TEX14: variants seen among roughly 807,000 people sequenced by gnomAD.
TEX14 encodes the protein testis expressed 14, intercellular bridge forming factor.
A neutral mutation model predicts 178.6 loss-of-function variants in TEX14; 168 were observed. That is an observed-to-expected ratio of 0.94 (90% CI 0.83 to 1.07). The LOEUF (loss-of-function observed/expected upper bound fraction) is 1.07. Ranked by LOEUF, TEX14 falls within the 50% of genes least tolerant of loss-of-function variation. The probability of loss-of-function intolerance (pLI) is 0.00; values close to 1 mark genes in which losing one functional copy is unlikely to be tolerated. For missense variants in TEX14, 1,730 were observed against 1,753.6 expected, an observed-to-expected ratio of 0.99 and a Z score of 0.24; for synonymous variants, 626 against 634.1, an observed-to-expected ratio of 0.99 and a Z score of 0.19.
chr17:58,685,097 G>C (rs951104370), intron 1 of TEX14, among the ~76,000 whole-genome samples: 3 of 152,094 alleles, frequency 2.0e-5, no homozygotes, highest in Admixed American at 6.6e-5. Context: ...TTATAATTTT[G>C]TATAGACCTT....
chr17:58,565,912 C>T (rs2044388347), intron 26 of TEX14, 88 bp from the exon 27 acceptor site: 1 of 1,019,678 alleles, frequency 9.8e-7, no homozygotes, highest in African/African-American at 1.6e-5. Flanking sequence ...AAGGGTGATC[C>T]TTAGACTTGC....
intron 31 of TEX14, among the ~76,000 whole-genome samples, 164 bp downstream of exon 31, chr17:58,557,630 TTTATA>T (rs1324163382): frequency 4.6e-5 from 7 of 152,190 alleles, no homozygotes; most frequent in African/African-American, 1.7e-4. Context: ...TTAATTTCAC[TTTATA>T]GTTTAATTAA....
intron 10 of TEX14, among the ~76,000 whole-genome samples, chr17:58,607,868 C>T (rs531034384): frequency 2.2e-4 from 34 of 152,326 alleles, no homozygotes; most frequent in African/African-American, 8.2e-4. Context: ...TGGCTCATGC[C>T]TGTAATCCCA....
intron 30 of TEX14, 97 bp downstream of exon 30, chr17:58,559,356 A>G (rs1038855349): frequency 9.5e-6 from 6 of 629,940 alleles, no homozygotes; most frequent in Non-Finnish European, 1.7e-5. Flanking sequence ...AGGTAGGAGG[A>G]TTATGTATAG....
At chr17:58,679,340 A>C (rs2047449908) in intron 1 of TEX14, among the ~76,000 whole-genome samples, 1 of 152,174 alleles carries the variant, frequency 6.6e-6, no homozygotes, top group African/African-American at 2.4e-5. Context: ...TTGTAATGGC[A>C]AATCACTGTA....
intron 1 of TEX14, among the ~76,000 whole-genome samples, chr17:58,685,210 G>C (rs1052853680): frequency 2.6e-5 from 4 of 151,956 alleles, no homozygotes; most frequent in African/African-American, 9.7e-5. Context: ...GAGGTGGGTG[G>C]ATCACCTGAG....
At chr17:58,590,882 T>A (rs566341041) in intron 15 of TEX14, among the ~76,000 whole-genome samples, 1 of 139,020 alleles carries the variant, frequency 7.2e-6, no homozygotes, top group Non-Finnish European at 1.6e-5. Context: ...GTTTACAGGG[T>A]TTTTTTTTTT....
chr17:58,586,260 T>C (rs1598359727), intron 17 of TEX14, among the ~76,000 whole-genome samples, 178 bp from the exon 18 acceptor site: 1 of 152,144 alleles, frequency 6.6e-6, no homozygotes, highest in African/African-American at 2.4e-5. Flanking sequence ...GGAGAATTGA[T>C]GACAGAGAGA....
At chr17:58,596,217 G>A (rs186772134) in intron 14 of TEX14, among the ~76,000 whole-genome samples, 1 of 152,180 alleles carries the variant, frequency 6.6e-6, no homozygotes, top group Admixed American at 6.5e-5. Context: ...ATTTCTAACA[G>A]TTTTCTAGCA....
chr17:58,565,899 TC>T (rs893187395), intron 26 of TEX14, 75 bp from the exon 27 acceptor site: 42 of 1,175,458 alleles, frequency 3.6e-5, no homozygotes, highest in Non-Finnish European at 4.9e-5. Context: ...GCAGTGGTTC[TC>T]CAAGGGTGAT....
intron 19 of TEX14, 152 bp from the exon 20 acceptor site, chr17:58,579,883 T>C (rs2044770474): frequency 1.6e-6 from 1 of 641,358 alleles, no homozygotes; most frequent in African/African-American, 1.8e-5. Flanking sequence ...TTCCTAGACA[T>C]TAAGTACTTA....
At chr17:58,668,952 A>G (rs1323472084) in intron 1 of TEX14, among the ~76,000 whole-genome samples, 1 of 152,202 alleles carries the variant, frequency 6.6e-6, no homozygotes, top group Non-Finnish European at 1.5e-5. Context: ...CAAATTAGAA[A>G]AAAAGGCTGA....
intron 1 of TEX14, among the ~76,000 whole-genome samples, chr17:58,668,292 A>G (rs1225140649): frequency 6.6e-6 from 1 of 152,212 alleles, no homozygotes; most frequent in East Asian, 1.9e-4. Context: ...ACCCCATTGC[A>G]GCGGTCTCTA....
intron 1 of TEX14, among the ~76,000 whole-genome samples, chr17:58,684,708 T>G (rs1371538795): frequency 6.6e-6 from 1 of 151,958 alleles, no homozygotes; most frequent in Admixed American, 6.6e-5. Context: ...ACCACTTATT[T>G]TTTAAAAACT....
chr17:58,649,529 C>A (rs573358993), intron 2 of TEX14, among the ~76,000 whole-genome samples: 153 of 152,240 alleles, frequency 1.0e-3, no homozygotes, highest in Middle Eastern at 6.8e-3. Flanking sequence ...TGTTCTATAT[C>A]CAGGTACACA....
In TEX14 at chr17:58,588,008, T is replaced by G; in HGVS notation, c.2590A>C (p.Arg864=). 1.1e-5 allele frequency: 13 copies of G among 1,209,304 alleles called. No homozygotes were observed. The highest frequency in any genetic ancestry group is 1.4e-5 in the Non-Finnish European group (11 of 810,770). The allele number at this position is 1,209,304 out of a possible 1,614,324, so 74.9% of individuals were successfully genotyped here. A position where few individuals can be genotyped will look rare whatever the true frequency, so the allele number is the denominator to read the frequency against. ...GCTTTGGCTTGGGCAGTGGACTCTC[T>G]AGGTCTTCCCTGGCTAAGAAATGAA... The part of the protein sequence containing the change: ...IQNTSSQGRP[R]ESTAQAKATQ... Residue 864 remains arginine, a synonymous_variant, in exon 16 of 32, where the codon AGA becomes CGA. Coordinates refer to ENST00000349033, the MANE Select transcript of TEX14 (RefSeq NM_031272.5).
chr17:58,573,693 AT>A (rs2044598239), intron 22 of TEX14, among the ~76,000 whole-genome samples: 1 of 152,018 alleles, frequency 6.6e-6, no homozygotes, highest in South Asian at 2.1e-4. Context: ...TAATTTTAGT[AT>A]TTTTAGTAGA....
chr17:58,640,333 A>G lies in TEX14; in HGVS notation c.137-9779T>C, dbSNP rs116305858. Among the ~76,000 whole-genome samples, 190 of 151,840 alleles carry G rather than the reference A, an allele frequency of 1.3e-3. 1 individual carries two copies. The highest frequency in any genetic ancestry group is 4.5e-3 in the African/African-American group (186 of 41,436). ...AAAAAAAAAAAAGGTATTAGCTACTATTTACTGAGGTCTTGCCATGTTCCC... is the reference window on the plus strand; with the variant it reads ...AAAAAAAAAAAAGGTATTAGCTACTGTTTACTGAGGTCTTGCCATGTTCCC... On this transcript the variant is annotated intron_variant, in intron 2 of 31. Transcript: ENST00000349033.
intron 9 of TEX14, among the ~76,000 whole-genome samples, chr17:58,611,670 A>C (rs2045749622): frequency 6.6e-6 from 1 of 152,214 alleles, no homozygotes; most frequent in Admixed American, 6.5e-5. Context: ...ACCACCAGTA[A>C]ACCTGCCCTG....
Sources: gnomAD v4.1 joint callset for allele counts (sites outside exome capture counted in the v4.1 genomes callset) on GRCh38, gnomAD v4.1.1 for gene constraint, MANE v1.5 for transcripts, NCBI Gene and HGNC (gene_info 2026-07-23, HGNC 2026-07-21) for gene names.